NLK: variants seen among roughly 807,000 people sequenced by gnomAD.
The protein encoded by NLK is nemo like kinase.
In NLK, 11 loss-of-function variants were observed where a neutral mutation model predicts 59.0. The observed-to-expected ratio is 0.19, with a 90% CI of 0.12 to 0.31. NLK has a LOEUF of 0.31. Among genes scored for constraint, NLK ranks in the 10% least tolerant of loss-of-function variants. The probability of loss-of-function intolerance (pLI) is 1.00; values close to 1 mark genes in which losing one functional copy is unlikely to be tolerated. For synonymous variants in NLK, 235 were observed against 235.9 expected (o/e 1.00, Z 0.03); for missense variants, 410 against 661.1 (o/e 0.62, Z 4.16).
At position 28,152,214 on chromosome 17, in the gene NLK, C is replaced by T. The variant is rs1024830220; in HGVS notation, c.645-8946C>T. Among the ~76,000 whole-genome samples the T allele has an allele frequency of 2.6e-5, 4 of 152,146 alleles. No homozygotes were observed. The East Asian group carries it at 7.7e-4, about 29-fold the overall frequency. On this transcript the variant is annotated intron_variant, in intron 3 of 10. Transcript: ENST00000407008. The stretch of plus-strand genomic sequence containing the variant: ...AAATATCTGCTTAGAACAGTACTCC[C>T]TCCAGTCACTTTTCCATTTTCTCCT...
Position 28,062,983 on chromosome 17 carries a change from T to C in NLK, c.458+19652T>C, listed in dbSNP as rs137980838. Among the ~76,000 whole-genome samples the C allele has an allele frequency of 1.3e-3, 205 of 152,284 alleles. 1 individual carries two copies. Among genetic ancestry groups the C allele is most frequent in the African/African-American group, 4.6e-3 (191 of 41,554 alleles). ...GACAGCTCTGTCGCCCAGGTTGGAG[T>C]GCAGTGGCACGATCGTGGCTCACTG... On this transcript the variant is annotated intron_variant, in intron 1 of 10. Coordinates refer to ENST00000407008, the MANE Select transcript of NLK (RefSeq NM_016231.5).
At chr17:28,169,167 T>G (rs566830676) in intron 6 of NLK, among the ~76,000 whole-genome samples, 1 of 152,240 alleles carries the variant, frequency 6.6e-6, no homozygotes, top group African/African-American at 2.4e-5. Flanking sequence ...ATTACAGGCA[T>G]GAGCCACTGC....
chr17:28,121,650 C>T lies in NLK; in HGVS notation c.459-953C>T, dbSNP rs529375423. On this transcript the variant is annotated intron_variant, in intron 1 of 10. Coordinates refer to ENST00000407008, the MANE Select transcript of NLK (RefSeq NM_016231.5). ...CCAAGTAGCTGGGATTACAGACATG[C>T]ACCACGCCCGGCTAAATTTTGTATT... Among the ~76,000 whole-genome samples, 7 of 151,622 alleles carry T rather than the reference C, an allele frequency of 4.6e-5. No individual in the cohort carries two copies. In the South Asian group the frequency reaches 1.3e-3, roughly 27 times the overall value.
At chr17:28,149,191 T>G (rs1467033873) in intron 3 of NLK, among the ~76,000 whole-genome samples, 1 of 152,178 alleles carries the variant, frequency 6.6e-6, no homozygotes, top group East Asian at 1.9e-4. Context: ...TAGGCACAAG[T>G]AGCTGGGAAT....
chr17:28,197,510 A>G (rs1344329489), downstream of NLK, among the ~76,000 whole-genome samples: 1 of 151,944 alleles, frequency 6.6e-6, no homozygotes, highest in Non-Finnish European at 1.5e-5. Context: ...TTTACAGATA[A>G]GTATTTGAGA....
chr17:28,188,702 G>A (rs1036122130), intron 8 of NLK, among the ~76,000 whole-genome samples: 2 of 152,076 alleles, frequency 1.3e-5, no homozygotes, highest in Non-Finnish European at 2.9e-5. Flanking sequence ...AGCTGGTCTC[G>A]AACTCCTGAC....
intron 3 of NLK, among the ~76,000 whole-genome samples, chr17:28,153,023 C>G (rs1299165553): frequency 6.6e-6 from 1 of 151,776 alleles, no homozygotes; most frequent in Admixed American, 6.6e-5. Flanking sequence ...CCTGTAATCC[C>G]AGCACTTTGG....
intron 1 of NLK, among the ~76,000 whole-genome samples, chr17:28,068,406 A>G (rs1385294974): frequency 2.6e-5 from 4 of 152,166 alleles, no homozygotes; most frequent in Admixed American, 1.3e-4. Flanking sequence ...AATCAAGGGA[A>G]CTTAATATCT....
At chr17:28,075,854 C>T (rs1910147539) in intron 1 of NLK, among the ~76,000 whole-genome samples, 1 of 152,084 alleles carries the variant, frequency 6.6e-6, no homozygotes, top group Admixed American at 6.6e-5. Flanking sequence ...ACACTGTATG[C>T]TTCTGTCTTA....
chr17:28,101,736 G>A (rs924763806), intron 1 of NLK, among the ~76,000 whole-genome samples: 2 of 152,084 alleles, frequency 1.3e-5, no homozygotes, highest in Admixed American at 6.5e-5. Context: ...CAGTCAGGAC[G>A]TTTTGAGTTT....
intron 1 of NLK, among the ~76,000 whole-genome samples, chr17:28,095,651 A>G (rs1245526690): frequency 1.3e-5 from 2 of 152,190 alleles, no homozygotes; most frequent in African/African-American, 4.8e-5. Context: ...TGCAATTACA[A>G]TATATATATT....
intron 1 of NLK, among the ~76,000 whole-genome samples, chr17:28,112,388 A>T (rs1000681131): frequency 6.6e-6 from 1 of 152,130 alleles, no homozygotes; most frequent in African/African-American, 2.4e-5. Flanking sequence ...TTGCCCAGGA[A>T]CTATTAGATG....
chr17:28,148,775 T>C (rs1415926764), intron 3 of NLK, among the ~76,000 whole-genome samples: 1 of 152,200 alleles, frequency 6.6e-6, no homozygotes, highest in African/African-American at 2.4e-5. Context: ...TTTCTTATTT[T>C]GGTTGTGTTC....
chr17:28,061,912 C>CAT (rs917707896), intron 1 of NLK: 3 of 137,946 alleles, frequency 2.2e-5, no homozygotes, highest in Admixed American at 7.6e-5. Flanking sequence ...TACATATATA[C>CAT]ATATATATAC....
chr17:28,095,977 A>G (rs994202357), intron 1 of NLK, among the ~76,000 whole-genome samples: 1 of 152,182 alleles, frequency 6.6e-6, no homozygotes, highest in Admixed American at 6.5e-5. Context: ...ATTTATTCCA[A>G]AAGTTCCCAT....
intron 3 of NLK, among the ~76,000 whole-genome samples, chr17:28,137,647 T>C (rs1458660028): frequency 6.6e-6 from 1 of 152,108 alleles, no homozygotes; most frequent in Non-Finnish European, 1.5e-5. Context: ...CAGTTAATCA[T>C]GTATTTCCTA....
chr17:28,059,768 T>C (rs1433138112), intron 1 of NLK, among the ~76,000 whole-genome samples: 1 of 152,214 alleles, frequency 6.6e-6, no homozygotes, highest in Non-Finnish European at 1.5e-5. Context: ...TAGGGTTTGC[T>C]GATCTCTGTG....
intron 1 of NLK, among the ~76,000 whole-genome samples, chr17:28,063,121 G>A (rs1453016671): frequency 6.6e-6 from 1 of 151,978 alleles, no homozygotes; most frequent in Non-Finnish European, 1.5e-5. Flanking sequence ...TTGTAGAGAT[G>A]GGGTTTTGTT....
At chr17:28,136,466 T>C (rs1231213656) in intron 3 of NLK, among the ~76,000 whole-genome samples, 1 of 152,212 alleles carries the variant, frequency 6.6e-6, no homozygotes, top group African/African-American at 2.4e-5. Flanking sequence ...ATGATTTAGC[T>C]TGGAGTACAA....
Sources: allele counts gnomAD v4.1 joint callset (sites outside exome capture counted in the v4.1 genomes callset), GRCh38; gene constraint gnomAD v4.1.1; transcripts MANE v1.5; gene names NCBI Gene and HGNC (gene_info 2026-07-23, HGNC 2026-07-21).